Variants in HIP1 observed in about 807,000 individuals in gnomAD.
HIP1 encodes huntingtin-interacting protein 1.
Under a neutral mutation model 147.6 loss-of-function variants are expected in HIP1, and 65 were observed. That is an observed-to-expected ratio of 0.44 (90% CI 0.36 to 0.54). The LOEUF is 0.54. Ranked by LOEUF, HIP1 falls within the 20% of genes least tolerant of loss-of-function variation. The pLI, the probability that HIP1 is intolerant of heterozygous loss-of-function variation, is 0.00. For missense variants in HIP1, 1,061 were observed against 1,299.6 expected, an observed-to-expected ratio of 0.82 and a Z score of 2.82; for synonymous variants, 479 against 504.0, an observed-to-expected ratio of 0.95 and a Z score of 0.67.
chr7:75,543,487 G>C (rs782687197), intron 27 of HIP1, among the ~76,000 whole-genome samples: 1 of 152,066 alleles, frequency 6.6e-6, no homozygotes, highest in Non-Finnish European at 1.5e-5. Context: ...AAGCAGCTGG[G>C]ATTACAAGTG....
intron 29 of HIP1, 38 bp from the exon 30 acceptor site, chr7:75,539,469 C>T: frequency 7.0e-7 from 1 of 1,421,578 alleles, no homozygotes; most frequent in Non-Finnish European, 9.9e-7. Context: ...TCTTAATCAT[C>T]TCTCAGAGAT....
intron 2 of HIP1, 100 bp downstream of exon 2, chr7:75,599,084 C>T (rs1237423912): frequency 2.3e-6 from 2 of 861,136 alleles, no homozygotes; most frequent in Non-Finnish European, 3.9e-6. Flanking sequence ...TGCAGGGTTG[C>T]CCCTTCCTGG....
intron 2 of HIP1, among the ~76,000 whole-genome samples, chr7:75,598,225 C>A (rs192875497): frequency 6.6e-6 from 1 of 151,924 alleles, no homozygotes; most frequent in Admixed American, 6.6e-5. Context: ...GGCAAAACCC[C>A]GGTCCTACTA....
chr7:75,557,019 A>ATTTATTTAT (rs138122394), intron 16 of HIP1, among the ~76,000 whole-genome samples: 3 of 145,352 alleles, frequency 2.1e-5, no homozygotes, highest in African/African-American at 7.6e-5. Context: ...AGGATTTTTT[A>ATTTATTTAT]TTATTTATTT....
In HIP1 at chr7:75,648,916, G is replaced by A. The variant is rs569346876; in HGVS notation, c.121-49669C>T. On this transcript the variant is annotated intron_variant, in intron 1 of 30. Coordinates refer to ENST00000336926, the MANE Select transcript of HIP1 (RefSeq NM_005338.7). Reference sequence around the variant, plus strand: ...AGCTCAGGAGTTTGAGGCCAGTCTGGGCAACATAGTGAGACCTGGTCTCAC... The same window carrying A: ...AGCTCAGGAGTTTGAGGCCAGTCTGAGCAACATAGTGAGACCTGGTCTCAC... Among the ~76,000 whole-genome samples, 38 of 152,186 alleles carry A rather than the reference G, an allele frequency of 2.5e-4. No individual in the cohort carries two copies. The East Asian group carries it at 6.6e-3, about 26-fold the overall frequency.
intron 1 of HIP1, among the ~76,000 whole-genome samples, chr7:75,685,654 T>G (rs1800236227): frequency 6.6e-6 from 1 of 152,228 alleles, no homozygotes; most frequent in Non-Finnish European, 1.5e-5. Context: ...GTTCAAGCAA[T>G]TCTCCTGCCT....
At chr7:75,625,184 G>C (rs1797994271) in intron 1 of HIP1, 1 of 151,998 alleles carries the variant, frequency 6.6e-6, no homozygotes, top group African/African-American at 2.4e-5. Context: ...CAAAGTGCTG[G>C]GATTATAAAT....
intron 1 of HIP1, among the ~76,000 whole-genome samples, chr7:75,685,301 A>T (rs1800221488): frequency 6.6e-6 from 1 of 152,066 alleles, no homozygotes; most frequent in African/African-American, 2.4e-5. Flanking sequence ...TTTCCATAGT[A>T]GTGAAGACAA....
chr7:75,603,744 A>C (rs1157928911), intron 1 of HIP1, among the ~76,000 whole-genome samples: 2 of 151,924 alleles, frequency 1.3e-5, no homozygotes, highest in African/African-American at 4.8e-5. Context: ...GTGGTGGTGC[A>C]CAACTGTAGT....
At chr7:75,551,031 A>C (rs1794762834) in intron 22 of HIP1, among the ~76,000 whole-genome samples, 1 of 152,116 alleles carries the variant, frequency 6.6e-6, no homozygotes, top group Non-Finnish European at 1.5e-5. Context: ...ATAATGAGAG[A>C]GCAGTGAAAA....
chr7:75,693,388 C>G (rs879994536), intron 1 of HIP1, among the ~76,000 whole-genome samples: 5 of 152,076 alleles, frequency 3.3e-5, no homozygotes, highest in African/African-American at 9.7e-5. Flanking sequence ...AGGCACCCCC[C>G]ACGCCAGTGC....
At chr7:75,567,837 T>A (rs1795467649) in intron 9 of HIP1, among the ~76,000 whole-genome samples, 1 of 146,810 alleles carries the variant, frequency 6.8e-6, no homozygotes, top group African/African-American at 2.7e-5. Context: ...AGAGACAGGG[T>A]CTCACTTTGT....
intron 1 of HIP1, among the ~76,000 whole-genome samples, chr7:75,695,562 G>T (rs138110992): frequency 1.9e-4 from 22 of 116,948 alleles, no homozygotes; most frequent in African/African-American, 8.4e-4. Context: ...TTGTGGAGCG[G>T]TACCAGTTTT....
At chr7:75,703,071 C>T (rs1174239253) in intron 1 of HIP1, among the ~76,000 whole-genome samples, 1 of 152,156 alleles carries the variant, frequency 6.6e-6, no homozygotes, top group South Asian at 2.1e-4. Flanking sequence ...CATAAAGGGC[C>T]GGGTGAGGTG....
chr7:75,698,643 C>T (rs1224367941), intron 1 of HIP1, among the ~76,000 whole-genome samples: 1 of 151,972 alleles, frequency 6.6e-6, no homozygotes, highest in Admixed American at 6.6e-5. Flanking sequence ...CATAGCAAGA[C>T]CCCAACTCTA....
intron 1 of HIP1, among the ~76,000 whole-genome samples, chr7:75,673,482 C>T (rs1179548394): frequency 1.3e-5 from 2 of 152,104 alleles, no homozygotes; most frequent in Non-Finnish European, 2.9e-5. Flanking sequence ...GCCATATTAA[C>T]AATATTAAGT....
chr7:75,682,832 A>G (rs1482972698), intron 1 of HIP1, among the ~76,000 whole-genome samples: 1 of 152,124 alleles, frequency 6.6e-6, no homozygotes, highest in Non-Finnish European at 1.5e-5. Flanking sequence ...ATGTGTCCCC[A>G]CATTGCTGCG....
intron 5 of HIP1, among the ~76,000 whole-genome samples, chr7:75,582,900 G>A (rs1217012827): frequency 6.6e-6 from 1 of 152,098 alleles, no homozygotes; most frequent in Non-Finnish European, 1.5e-5. Flanking sequence ...TGGCACCTGG[G>A]ACACAGTTTT....
At chr7:75,731,980 C>T (rs1276089971) in intron 1 of HIP1, among the ~76,000 whole-genome samples, 4 of 152,222 alleles carry the variant, frequency 2.6e-5, no homozygotes, top group Middle Eastern at 3.4e-3. Context: ...GGTTGAGAAC[C>T]GCAGATCCTT....
Sources: allele counts gnomAD v4.1 joint callset (sites outside exome capture counted in the v4.1 genomes callset), GRCh38; gene constraint gnomAD v4.1.1; transcripts MANE v1.5; gene names NCBI Gene and HGNC (gene_info 2026-07-23, HGNC 2026-07-21).